UBASH3B: variants seen among roughly 807,000 people sequenced by gnomAD.
The protein encoded by UBASH3B is ubiquitin-associated and SH3 domain-containing protein B.
Under a neutral mutation model 83.4 loss-of-function variants are expected in UBASH3B, and 37 were observed. The ratio of observed to expected loss-of-function variants is 0.44; its 90% confidence interval spans 0.34 to 0.58. The LOEUF (loss-of-function observed/expected upper bound fraction) is 0.58, where lower values mean the gene tolerates loss of function less well. Ranked by LOEUF, UBASH3B falls within the 20% of genes least tolerant of loss-of-function variation. UBASH3B has a pLI of 0.01. For synonymous variants in UBASH3B, 304 were observed against 318.3 expected (o/e 0.96, Z 0.48); for missense variants, 657 against 827.2 (o/e 0.79, Z 2.52).
intron 1 of UBASH3B, among the ~76,000 whole-genome samples, chr11:122,680,199 G>T (rs369768495): frequency 2.0e-5 from 3 of 152,222 alleles, no homozygotes; most frequent in African/African-American, 7.2e-5. Context: ...CAGGAGGTGG[G>T]CTGGTTTGGC....
intron 1 of UBASH3B, among the ~76,000 whole-genome samples, chr11:122,747,272 G>A (rs543164132): frequency 7.9e-4 from 120 of 152,216 alleles, no homozygotes; most frequent in Non-Finnish European, 1.4e-3. Context: ...GCAGCCAATA[G>A]GACCCCTAAA....
At chr11:122,734,599 G>A (rs1377161357) in intron 1 of UBASH3B, among the ~76,000 whole-genome samples, 1 of 152,118 alleles carries the variant, frequency 6.6e-6, no homozygotes, top group Non-Finnish European at 1.5e-5. Flanking sequence ...TCACAAGCAA[G>A]CCTCACTCCA....
chr11:122,809,549 A>G (rs1427379552), intron 13 of UBASH3B, among the ~76,000 whole-genome samples, 200 bp from the exon 14 acceptor site: 3 of 146,878 alleles, frequency 2.0e-5, no homozygotes, highest in Admixed American at 1.4e-4. Flanking sequence ...TCCTCTTGCA[A>G]TGTAAATACT....
At chr11:122,721,699 T>A (rs1448478789) in intron 1 of UBASH3B, among the ~76,000 whole-genome samples, 1 of 152,198 alleles carries the variant, frequency 6.6e-6, no homozygotes, top group Non-Finnish European at 1.5e-5. Context: ...TACTTAGTGG[T>A]TTCCAAAAGC....
chr11:122,741,994 CCT>C (rs1379464415), intron 1 of UBASH3B, among the ~76,000 whole-genome samples: 1 of 152,206 alleles, frequency 6.6e-6, no homozygotes. Flanking sequence ...TGAGATTTAG[CCT>C]CTCTGGTCTG....
intron 11 of UBASH3B, among the ~76,000 whole-genome samples, chr11:122,804,091 A>G (rs1410525894): frequency 5.9e-5 from 9 of 151,968 alleles, no homozygotes. Context: ...CATAAATCTC[A>G]CACATTACAT....
At chr11:122,768,077 A>T (rs2135127209) in intron 1 of UBASH3B, among the ~76,000 whole-genome samples, 1 of 152,258 alleles carries the variant, frequency 6.6e-6, no homozygotes, top group East Asian at 1.9e-4. Context: ...CTAGCCTGGG[A>T]GCCCTCCTGA....
In UBASH3B at chr11:122,782,738, T is replaced by C. The variant is rs138074969; in HGVS notation, c.602-315T>C. On this transcript the variant is annotated intron_variant, in intron 4 of 13. Coordinates refer to ENST00000284273, the MANE Select transcript of UBASH3B (RefSeq NM_032873.5). ...CACTGTAGGTCATAGTGCCCTCTTCTGAAAGGTGGGGCTGGTGACCACCAA... is the reference window on the plus strand; with the variant it reads ...CACTGTAGGTCATAGTGCCCTCTTCCGAAAGGTGGGGCTGGTGACCACCAA... 2.6e-4 allele frequency: 69 copies of C among 264,016 alleles called. No homozygotes were observed. In the East Asian group the frequency reaches 5.2e-3, roughly 20 times the overall value. 16.4% of individuals were successfully genotyped at this position (264,016 alleles called of 1,614,324 possible).
chr11:122,791,462 C>T (rs1861052666), intron 6 of UBASH3B, among the ~76,000 whole-genome samples: 2 of 152,316 alleles, frequency 1.3e-5, no homozygotes, highest in African/African-American at 4.8e-5. Context: ...ATAAAATCGC[C>T]ATTTGCATAA....
intron 1 of UBASH3B, among the ~76,000 whole-genome samples, chr11:122,745,315 T>G (rs1393302472): frequency 2.0e-5 from 3 of 152,208 alleles, no homozygotes; most frequent in Non-Finnish European, 4.4e-5. Flanking sequence ...TCCCAGTACT[T>G]AGCACAGTTC....
chr11:122,675,313 G>T lies in UBASH3B; in HGVS notation c.161+19103G>T, dbSNP rs145792923. On this transcript the variant is annotated intron_variant, in intron 1 of 13. Transcript: ENST00000284273. ...GTTTCCTGTGTTTAGAGACCACATTGCAGGAAAGTGTTTTAAGAGTTGTTT... is the reference window on the plus strand; with the variant it reads ...GTTTCCTGTGTTTAGAGACCACATTTCAGGAAAGTGTTTTAAGAGTTGTTT... Among the ~76,000 whole-genome samples the T allele has an allele frequency of 1.2e-3, 183 of 152,320 alleles. 1 individual carries two copies. The highest frequency in any genetic ancestry group is 2.1e-3 in the Non-Finnish European group (143 of 68,028).
At chr11:122,794,086 T>C (rs1490648391) in intron 6 of UBASH3B, among the ~76,000 whole-genome samples, 1 of 152,218 alleles carries the variant, frequency 6.6e-6, no homozygotes, top group Non-Finnish European at 1.5e-5. Flanking sequence ...CTTGAACTTG[T>C]CTTTGGTGCC....
intron 1 of UBASH3B, among the ~76,000 whole-genome samples, chr11:122,736,323 C>T (rs1414287123): frequency 1.3e-5 from 2 of 151,922 alleles, no homozygotes; most frequent in Non-Finnish European, 2.9e-5. Context: ...TCGGACACAA[C>T]CTCATTCTAT....
At chr11:122,695,617 T>C (rs2135923736) in intron 1 of UBASH3B, among the ~76,000 whole-genome samples, 1 of 152,326 alleles carries the variant, frequency 6.6e-6, no homozygotes, top group Admixed American at 6.5e-5. Context: ...TTTTACTTTT[T>C]CCCCGTTATC....
chr11:122,668,130 C>T (rs7948270), intron 1 of UBASH3B, among the ~76,000 whole-genome samples: 8,626 of 152,096 alleles, frequency 0.057, 590 homozygotes, highest in African/African-American at 0.16. Flanking sequence ...GGATTACAGG[C>T]GCCTGCCACC....
intron 4 of UBASH3B, 86 bp downstream of exon 4, chr11:122,779,781 G>A (rs1860818516): frequency 2.0e-6 from 3 of 1,524,886 alleles, no homozygotes; most frequent in Non-Finnish European, 2.7e-6. Context: ...TGGTAGAGGA[G>A]CAGGATGGGG....
rs779546916 is a variant in UBASH3B, at chr11:122,699,517, CTCTTTCTTTCTTTCTCTTTCTT to C, written c.161+43323_161+43344del. Among the ~76,000 whole-genome samples, 910 of 138,094 alleles carry C rather than the reference CTCTTTCTTTCTTTCTCTTTCTT, an allele frequency of 6.6e-3. 9 individuals carry two copies. Among genetic ancestry groups the C allele is most frequent in the Admixed American group, 0.013 (171 of 13,544 alleles). The allele number at this position is 138,094 out of a possible 152,430, so 90.6% of individuals were successfully genotyped here. A position where few individuals can be genotyped will look rare whatever the true frequency, so the allele number is the denominator to read the frequency against. On this transcript the variant is annotated intron_variant, in intron 1 of 13. Transcript: ENST00000284273. ...TTTTTAAATCTTTCTTTCTTTCTTT[CTCTTTCTTTCTTTCTCTTTCTT>C]TCTTTCTTTCTTTCTTTCTTTCTTT...
rs373789568 is a variant in UBASH3B at position 122,779,561 on chromosome 11, G to A, written c.467G>A (p.Cys156Tyr). 7 of 1,614,066 alleles carry A rather than the reference G, an allele frequency of 4.3e-6. No individual in the cohort carries two copies. Among genetic ancestry groups the A allele is most frequent in the Non-Finnish European group, 4.2e-6 (5 of 1,180,032 alleles). Residue 156 changes from cysteine (C) to tyrosine (Y), a missense_variant, in exon 4 of 14, where the codon TGT becomes TAT. Physicochemically the swap from Cys to Tyr is radical, Grantham distance 194. Around this residue, in one of 3 missense-constraint regions of UBASH3B, gnomAD observed 573 missense variants for 739.0 expected, o/e 0.78. Transcript: ENST00000284273. ...CAGACCACGGTCAGTCGCTGGAAAT[G>A]TAAGTTCTCGGCCCCGCTGCCCCTG... The part of the protein sequence containing the change: ...ALQTTVSRWK[C>Y]KFSAPLPLEL...
At chr11:122,709,119 T>A (rs1864160378) in intron 1 of UBASH3B, 1 of 152,286 alleles carries the variant, frequency 6.6e-6, no homozygotes, top group Non-Finnish European at 1.5e-5. Flanking sequence ...TGGTGGCACA[T>A]GCCTGTGGTC....
Sources: gnomAD v4.1 joint callset for allele counts (sites outside exome capture counted in the v4.1 genomes callset) on GRCh38, gnomAD v4.1.1 for gene constraint, gnomAD v4.1.1 regional missense constraint, MANE v1.5 for transcripts, NCBI Gene and HGNC (gene_info 2026-07-23, HGNC 2026-07-21) for gene names.